ZNF283: variants seen among roughly 807,000 people sequenced by gnomAD.
ZNF283 encodes zinc finger protein 41.
In ZNF283, 10 loss-of-function variants were observed where a neutral mutation model predicts 9.2. That is an observed-to-expected ratio of 1.09 (90% CI 0.67 to 1.85). ZNF283 has a LOEUF of 1.85. Among genes scored for constraint, ZNF283 ranks in the 40% most tolerant of loss-of-function variants. The probability of loss-of-function intolerance (pLI) is 0.00; values close to 1 mark genes in which losing one functional copy is unlikely to be tolerated. For synonymous variants in ZNF283, 234 were observed against 244.1 expected (o/e 0.96, Z 0.38); for missense variants, 631 against 760.1 (o/e 0.83, Z 2.00).
chr19:43,849,962 C>T lies in ZNF283; in HGVS notation c.*1321C>T, dbSNP rs1360502539. ...AATTCAGAAAAGCTTCCCATAACCA[C>T]TCATCCATTTGAATTTCAGATAGTT... On this transcript the variant is annotated 3_prime_UTR_variant, in exon 7 of 7. Coordinates refer to ENST00000618787, the MANE Select transcript of ZNF283 (RefSeq NM_181845.2). 1 of 152,036 alleles carries T rather than the reference C, an allele frequency of 6.6e-6. No homozygotes were observed. The highest frequency in any genetic ancestry group is 1.5e-5 in the Non-Finnish European group (1 of 68,022). The allele number at this position is 152,036 out of a possible 1,614,324, so 9.4% of individuals were successfully genotyped here.
intron 2 of ZNF283, among the ~76,000 whole-genome samples, chr19:43,831,068 T>C (rs1970688890): frequency 6.6e-6 from 1 of 152,202 alleles, no homozygotes; most frequent in Non-Finnish European, 1.5e-5. Flanking sequence ...GCAATCATTA[T>C]AGTTATGAAC....
Position 43,835,549 on chromosome 19 carries a change from A to G in ZNF283, c.167A>G (p.His56Arg). 2 of 1,611,482 alleles carry G rather than the reference A, an allele frequency of 1.2e-6. No homozygotes were observed. Among genetic ancestry groups the G allele is most frequent in the Non-Finnish European group, 1.7e-6 (2 of 1,178,740 alleles). ...GFCASPIEES[H>R]GALISSCNSR... ...TGTGCTTCACCAATAGAGGAATCCC[A>G]TGGAGCATTAATTAGTTCTTGCAAT... The change falls in exon 5 of 7, where the codon CAT (histidine) becomes CGT (arginine). Residue 56 changes from histidine to arginine, a missense_variant. By Grantham distance (29) the His-to-Arg change is conservative. Around this residue, in one of 3 missense-constraint regions of ZNF283, gnomAD observed 184 missense variants for 220.0 expected, o/e 0.84. Transcript: ENST00000618787.
chr19:43,846,877 GTTTTTTTTT>G (rs72062467), intron 6 of ZNF283, 53 bp from the exon 7 acceptor site: 1 of 812,580 alleles, frequency 1.2e-6, no homozygotes, highest in Non-Finnish European at 1.6e-6. Flanking sequence ...TTCTACTGTA[GTTTTTTTTT>G]TTTTTTCCCT....
chr19:43,827,558 T>C (rs189445), intron 1 of ZNF283, 114 bp downstream of exon 1: 127,267 of 147,682 alleles, frequency 0.86, 55,200 homozygotes, highest in African/African-American at 0.94. Context: ...GCATCGGGGG[T>C]GCTGGAGGTG....
rs1194217749 is a variant in ZNF283, at chr19:43,851,259, T to C, written c.*2618T>C. On this transcript the variant is annotated 3_prime_UTR_variant, in exon 7 of 7. Coordinates refer to ENST00000618787, the MANE Select transcript of ZNF283 (RefSeq NM_181845.2). Reference sequence around the variant, plus strand: ...AGACATGGTGCCTTATCCCAACATTTCTGAAATTATATCTCAAGGAATCAC... The same window carrying C: ...AGACATGGTGCCTTATCCCAACATTCCTGAAATTATATCTCAAGGAATCAC... 2.0e-5 allele frequency: 3 copies of C among 152,112 alleles called. No homozygotes were observed. Among genetic ancestry groups the C allele is most frequent in the African/African-American group, 7.2e-5 (3 of 41,408 alleles). The allele number at this position is 152,112 out of a possible 1,614,324, so 9.4% of individuals were successfully genotyped here.
intron 3 of ZNF283, among the ~76,000 whole-genome samples, chr19:43,832,505 G>A (rs1970753930): frequency 6.6e-6 from 1 of 152,170 alleles, no homozygotes; most frequent in Admixed American, 6.5e-5. Context: ...CTGGGAGGAA[G>A]GGGTATTTTC....
intron 3 of ZNF283, among the ~76,000 whole-genome samples, chr19:43,832,526 T>C (rs1398745543): frequency 6.6e-6 from 1 of 152,172 alleles, no homozygotes; most frequent in African/African-American, 2.4e-5. Flanking sequence ...CTCTATATGT[T>C]TCTGAGAACC....
At chr19:43,831,508 C>A in intron 3 of ZNF283, 127 bp downstream of exon 3, 1 of 771,484 alleles carries the variant, frequency 1.3e-6, no homozygotes, top group Non-Finnish European at 2.0e-6. Context: ...TTTATAGTTC[C>A]AATTATGGAA....
chr19:43,838,893 CA>C (rs1365848986), intron 6 of ZNF283, among the ~76,000 whole-genome samples: 1 of 152,148 alleles, frequency 6.6e-6, no homozygotes, highest in African/African-American at 2.4e-5. Flanking sequence ...TCTAGTTTTA[CA>C]ATCAGCTATT....
chr19:43,828,689 C>T (rs1970576764), intron 2 of ZNF283, among the ~76,000 whole-genome samples: 1 of 152,104 alleles, frequency 6.6e-6, no homozygotes. Context: ...CAAGGTCTCA[C>T]TCTGTTGCCC....
chr19:43,846,649 G>A (rs1356558121), intron 6 of ZNF283, among the ~76,000 whole-genome samples: 1 of 152,128 alleles, frequency 6.6e-6, no homozygotes, highest in African/African-American at 2.4e-5. Flanking sequence ...GGCACATAAG[G>A]GCTTGATTGA....
At chr19:43,829,609 A>G (rs1437499937) in intron 2 of ZNF283, among the ~76,000 whole-genome samples, 1 of 152,162 alleles carries the variant, frequency 6.6e-6, no homozygotes, top group African/African-American at 2.4e-5. Flanking sequence ...TCCCCATGAT[A>G]TGGGCTTACT....
At chr19:43,834,751 A>T (rs1970886250) in intron 4 of ZNF283, among the ~76,000 whole-genome samples, 1 of 151,678 alleles carries the variant, frequency 6.6e-6, no homozygotes, top group Non-Finnish European at 1.5e-5. Flanking sequence ...GCCTGCCACC[A>T]CGCCTGGCTA....
rs55882936 is a variant in ZNF283 at position 43,833,484 on chromosome 19, CTTT to C, written c.1-6_1-4del. The C allele has an allele frequency of 1.5e-3, 212 of 137,646 alleles. No homozygotes were observed. The highest frequency in any genetic ancestry group is 3.7e-3 in the South Asian group (39 of 10,628). The allele number at this position is 137,646 out of a possible 1,614,324, so 8.5% of individuals were successfully genotyped here. On this transcript the variant is annotated intron_variant, in intron 3 of 6. Coordinates refer to ENST00000618787, the MANE Select transcript of ZNF283 (RefSeq NM_181845.2). The stretch of plus-strand genomic sequence containing the variant: ...GTGTTTCTTTCTTCTTTACCTATTT[CTTT>C]TTTTTTTTTTTTTTCAGATGGAGTC...
intron 6 of ZNF283, 109 bp downstream of exon 6, chr19:43,837,288 C>T: frequency 8.3e-7 from 1 of 1,203,408 alleles, no homozygotes; most frequent in Non-Finnish European, 1.1e-6. Flanking sequence ...TTTCTTCTCC[C>T]CCTTCCCAAG....
At chr19:43,831,437 GT>G in intron 3 of ZNF283, 56 bp downstream of exon 3, 1 of 1,422,102 alleles carries the variant, frequency 7.0e-7, no homozygotes, top group Non-Finnish European at 9.6e-7. Context: ...CGTTTGTTCA[GT>G]TTTCTTAATG....
At chr19:43,840,167 T>A (rs528275383) in intron 6 of ZNF283, among the ~76,000 whole-genome samples, 2 of 152,284 alleles carry the variant, frequency 1.3e-5, no homozygotes, top group Admixed American at 1.3e-4. Flanking sequence ...TTCTGTTCCA[T>A]CATCTCTACA....
chr19:43,829,779 T>A (rs762961424), intron 2 of ZNF283, among the ~76,000 whole-genome samples: 3 of 152,116 alleles, frequency 2.0e-5, no homozygotes, highest in Admixed American at 6.6e-5. Flanking sequence ...ATCCCAGCAC[T>A]TTGGGAGTCC....
In ZNF283 at chr19:43,835,639, G is replaced by T. The variant is rs375340565; in HGVS notation, c.210+47G>T. The T allele has an allele frequency of 2.2e-6, 3 of 1,382,358 alleles. No homozygotes were observed. In the African/African-American group the frequency reaches 4.3e-5, roughly 20 times the overall value. 85.6% of individuals were successfully genotyped at this position (1,382,358 alleles called of 1,614,324 possible). A position where few individuals can be genotyped will look rare whatever the true frequency, so the allele number is the denominator to read the frequency against. On this transcript the variant is annotated intron_variant, in intron 5 of 6. Coordinates refer to ENST00000618787, the MANE Select transcript of ZNF283 (RefSeq NM_181845.2). Reference sequence around the variant, plus strand: ...CATGAAATACTGTGATTTTTAGGGCGTGTGAATCTTTTCATTAATTTTCCT... The same window carrying T: ...CATGAAATACTGTGATTTTTAGGGCTTGTGAATCTTTTCATTAATTTTCCT...
Sources: allele counts gnomAD v4.1 joint callset (sites outside exome capture counted in the v4.1 genomes callset), GRCh38; gene constraint gnomAD v4.1.1; regional missense constraint gnomAD v4.1.1; transcripts MANE v1.5; gene names NCBI Gene and HGNC (gene_info 2026-07-23, HGNC 2026-07-21).